Variants in SAMHD1 observed in about 807,000 individuals in gnomAD.
The protein encoded by SAMHD1 is SAM and HD domain containing deoxynucleoside triphosphate triphosphohydrolase 1.
SAMHD1 carries 54 observed loss-of-function variants against 79.6 expected under a neutral mutation model. The ratio of observed to expected loss-of-function variants is 0.68; its 90% CI spans 0.55 to 0.85. The LOEUF (loss-of-function observed/expected upper bound fraction) is 0.85, where lower values mean the gene tolerates loss of function less well. Ranked by LOEUF, SAMHD1 falls within the 40% of genes least tolerant of loss-of-function variation. SAMHD1 has a pLI of 0.00. For synonymous variants in SAMHD1, 260 were observed against 264.1 expected, an observed-to-expected ratio of 0.98 and a Z score of 0.15; for missense variants, 663 against 782.7, an observed-to-expected ratio of 0.85 and a Z score of 1.82.
rs1239766590 is a variant in SAMHD1, at chr20:36,919,490, C to G, written c.726G>C (p.Glu242Asp). 6.2e-7 allele frequency: 1 copy of G among 1,613,492 alleles called. No individual in the cohort carries two copies. Among genetic ancestry groups the G allele is most frequent in the Admixed American group, 1.7e-5 (1 of 59,992 alleles). Residue 242 changes from glutamate (E) to aspartate (D), a missense_variant, in exon 7 of 16, where the codon GAG becomes GAC. Physicochemically the swap from Glu to Asp is conservative, Grantham distance 45 (BLOSUM62 2). Transcript: ENST00000646673. ...THEQGSVMMF[E>D]HLINSNGIKP... The stretch of plus-strand genomic sequence containing the variant: ...TAATTCCATTAGAATTAATAAGGTG[C>G]TCAAACATCATAACTGAGCCTTGTT...
intron 11 of SAMHD1, among the ~76,000 whole-genome samples, chr20:36,906,208 C>T (rs1289297155): frequency 6.6e-6 from 1 of 152,154 alleles, no homozygotes; most frequent in East Asian, 1.9e-4. Flanking sequence ...GAGGCCAAGG[C>T]AGGTGGATCA....
chr20:36,914,579 C>T (rs1035528856), intron 9 of SAMHD1, among the ~76,000 whole-genome samples: 2 of 151,762 alleles, frequency 1.3e-5, no homozygotes, highest in African/African-American at 2.4e-5. Flanking sequence ...AGGCTGGTCT[C>T]GAACTTCTAA....
intron 15 of SAMHD1, among the ~76,000 whole-genome samples, chr20:36,897,349 T>C (rs563423577): frequency 1.3e-4 from 20 of 152,234 alleles, no homozygotes; most frequent in Non-Finnish European, 2.2e-4. Context: ...CAACCTTCTC[T>C]ACAGGGTTGG....
Position 36,891,530 on chromosome 20 carries a change from T to C in SAMHD1, c.*1402A>G, listed in dbSNP as rs1990073764. On this transcript the variant is annotated 3_prime_UTR_variant, in exon 16 of 16. Transcript: ENST00000646673. ...TTGGCTCTAACTGCAGACTTTGTTC[T>C]TGGTGAATTGCTATAGAACTGGGAA... is the stretch of plus-strand genomic sequence containing the variant. The C allele has an allele frequency of 6.6e-6, 1 of 152,470 alleles. No homozygotes were observed. Among genetic ancestry groups the C allele is most frequent in the Non-Finnish European group, 1.5e-5 (1 of 68,236 alleles). 9.4% of individuals were successfully genotyped at this position (152,470 alleles called of 1,614,324 possible). A position where few individuals can be genotyped will look rare whatever the true frequency, so the allele number is the denominator to read the frequency against.
intron 3 of SAMHD1, among the ~76,000 whole-genome samples, chr20:36,935,759 T>C (rs6124465): frequency 0.83 from 126,227 of 151,956 alleles, 52,824 homozygotes; most frequent in East Asian, 0.99. Context: ...TGAGTAGAGA[T>C]GGGGTTTCAC....
rs925006433 is a variant in SAMHD1, at chr20:36,892,207, G to C, written c.*725C>G. On this transcript the variant is annotated 3_prime_UTR_variant, in exon 16 of 16. Transcript: ENST00000646673. ...CAGATCTTCCCCAAAACCTAATCAG[G>C]CCTCTCACCAGCGTGTTGGAGGCCA... is the stretch of plus-strand genomic sequence containing the variant. 1 of 152,896 alleles carries C rather than the reference G, an allele frequency of 6.5e-6. No individual in the cohort carries two copies. Among genetic ancestry groups the C allele is most frequent in the Non-Finnish European group, 1.5e-5 (1 of 68,648 alleles). The allele number at this position is 152,896 out of a possible 1,614,324, so 9.5% of individuals were successfully genotyped here.
intron 12 of SAMHD1, chr20:36,904,580 G>C: frequency 3.0e-6 from 1 of 335,672 alleles, no homozygotes; most frequent in Non-Finnish European, 5.8e-6. Flanking sequence ...AGCTGGGCGT[G>C]GTGGCGGGTG....
intron 13 of SAMHD1, among the ~76,000 whole-genome samples, chr20:36,901,347 T>A (rs1601115924): frequency 1.3e-5 from 2 of 152,290 alleles, no homozygotes; most frequent in Non-Finnish European, 2.9e-5. Flanking sequence ...GTGTTTTTGG[T>A]ACGGATGGGG....
chr20:36,935,760 G>A (rs1294056364), intron 3 of SAMHD1, among the ~76,000 whole-genome samples: 2 of 151,954 alleles, frequency 1.3e-5, no homozygotes, highest in Non-Finnish European at 2.9e-5. Context: ...GAGTAGAGAT[G>A]GGGTTTCACT....
chr20:36,942,174 G>C (rs6093674), intron 2 of SAMHD1, among the ~76,000 whole-genome samples: 5,661 of 152,272 alleles, frequency 0.037, 339 homozygotes, highest in African/African-American at 0.12. Context: ...CCAGCACTTT[G>C]GGAGGCCGAG....
In SAMHD1 at chr20:36,951,534, T is replaced by C; in HGVS notation, c.110A>G (p.Glu37Gly). Reference sequence around the variant, plus strand: ...CCATGTCTTGTAGTCGGGATGGAGTTCCAGGCCCGGGGACCAGTCTGCCTC... The same window carrying C: ...CCATGTCTTGTAGTCGGGATGGAGTCCCAGGCCCGGGGACCAGTCTGCCTC... ...SAEADWSPGL[E>G]LHPDYKTWGP... The change falls in exon 1 of 16, where the codon GAA becomes GGA. Residue 37 changes from glutamate (E) to glycine (G), a missense_variant. Physicochemically the swap from Glu to Gly is moderately conservative, Grantham distance 98 (BLOSUM62 -2). Transcript: ENST00000646673. 1 of 1,614,184 alleles carries C rather than the reference T, an allele frequency of 6.2e-7. No homozygotes were observed. The highest frequency in any genetic ancestry group is 1.1e-5 in the South Asian group (1 of 91,088).
rs1990067751 is a variant in SAMHD1, at chr20:36,891,267, C to T, written c.*1665G>A. Reference sequence around the variant, plus strand: ...TGATCATACAGGATGGCAGACATTCCAAGTACTCTTCACCCCAGTGTGGAC... The same window carrying T: ...TGATCATACAGGATGGCAGACATTCTAAGTACTCTTCACCCCAGTGTGGAC... On this transcript the variant is annotated 3_prime_UTR_variant, in exon 16 of 16. Transcript: ENST00000646673. 1.3e-5 allele frequency: 2 copies of T among 152,224 alleles called. No individual in the cohort carries two copies. The allele number at this position is 152,224 out of a possible 1,614,324, so 9.4% of individuals were successfully genotyped here.
intron 11 of SAMHD1, among the ~76,000 whole-genome samples, chr20:36,908,938 TTTTA>T: frequency 6.6e-6 from 1 of 152,106 alleles, no homozygotes; most frequent in South Asian, 2.1e-4. Flanking sequence ...TGCTTTCCAA[TTTTA>T]TTTTTATTTA....
chr20:36,892,898 G>C lies in SAMHD1; in HGVS notation c.*34C>G. The C allele has an allele frequency of 6.2e-7, 1 of 1,613,154 alleles. No individual in the cohort carries two copies. Among genetic ancestry groups the C allele is most frequent in the Non-Finnish European group, 8.5e-7 (1 of 1,179,174 alleles). On this transcript the variant is annotated 3_prime_UTR_variant, in exon 16 of 16. Transcript: ENST00000646673. ...TGAAGCCTCTAAATGAATTGTGCAG[G>C]AGAGGGAGTTTGTAAACAACTGACT... is the stretch of plus-strand genomic sequence containing the variant.
At chr20:36,897,730 T>A in intron 15 of SAMHD1, 92 bp downstream of exon 15, 1 of 1,430,668 alleles carries the variant, frequency 7.0e-7, no homozygotes. Flanking sequence ...TGACTATAAC[T>A]TAAATGGGAA....
At position 36,951,515 on chromosome 20, in the gene SAMHD1, C is replaced by A. The variant is rs1386913237; in HGVS notation, c.129G>T (p.Lys43Asn). ...SPGLELHPDY[K>N]TWGPEQVCSF... ...AGCACACCTGCTCCGGACCCCATGT[C>A]TTGTAGTCGGGATGGAGTTCCAGGC... The change falls in exon 1 of 16, where the codon AAG becomes AAT. Residue 43 changes from lysine to asparagine, a missense_variant. Transcript: ENST00000646673. 1 of 1,614,228 alleles carries A rather than the reference C, an allele frequency of 6.2e-7. No individual in the cohort carries two copies. The highest frequency in any genetic ancestry group is 8.5e-7 in the Non-Finnish European group (1 of 1,180,018).
Position 36,892,735 on chromosome 20 carries a change from A to G in SAMHD1, c.*197T>C. On this transcript the variant is annotated 3_prime_UTR_variant, in exon 16 of 16. Coordinates refer to ENST00000646673, the MANE Select transcript of SAMHD1 (RefSeq NM_015474.4). ...AATAATATTAAAAATAGGCAAGGTA[A>G]TGCTTTTCATAGTATAGTAAGATTT... The G allele has an allele frequency of 1.4e-6, 1 of 691,868 alleles. No homozygotes were observed. Among genetic ancestry groups the G allele is most frequent in the Non-Finnish European group, 2.6e-6 (1 of 386,262 alleles). 42.9% of individuals were successfully genotyped at this position (691,868 alleles called of 1,614,324 possible).
At chr20:36,927,062 T>C (rs2063540941) in intron 6 of SAMHD1, 120 bp downstream of exon 6, 2 of 863,700 alleles carry the variant, frequency 2.3e-6, no homozygotes, top group East Asian at 2.5e-5. Flanking sequence ...GAAAGCACCC[T>C]GGACACTGTA....
In SAMHD1 at chr20:36,898,516, T is replaced by G; in HGVS notation, c.1532A>C (p.Glu511Ala). 1 of 1,613,944 alleles carries G rather than the reference T, an allele frequency of 6.2e-7. No individual in the cohort carries two copies. The highest frequency in any genetic ancestry group is 8.5e-7 in the Non-Finnish European group (1 of 1,179,844). Residue 511 changes from glutamate to alanine, a missense_variant, in exon 14 of 16, where the codon GAA becomes GCA. By Grantham distance (107) the Glu-to-Ala change is moderately radical. Coordinates refer to ENST00000646673, the MANE Select transcript of SAMHD1 (RefSeq NM_015474.4). ...GCTAACATGATCAATTGGATTCTTTTCTTGCATTCCATAATCCATGTTGAT... is the reference window on the plus strand; with the variant it reads ...GCTAACATGATCAATTGGATTCTTTGCTTGCATTCCATAATCCATGTTGAT... ...DVINMDYGMQ[E>A]KNPIDHVSFY...
Sources: allele counts gnomAD v4.1 joint callset (sites outside exome capture counted in the v4.1 genomes callset), GRCh38; gene constraint gnomAD v4.1.1; transcripts MANE v1.5; gene names NCBI Gene and HGNC (gene_info 2026-07-23, HGNC 2026-07-21).